The following MDGA2 variants were observed in gnomAD, a reference collection of about 807,000 sequenced individuals.
MDGA2 encodes MAM domain-containing glycosylphosphatidylinositol anchor protein 2.
Under a neutral mutation model 117.8 loss-of-function variants are expected in MDGA2, and 40 were observed. That is an observed-to-expected ratio of 0.34 (90% CI 0.26 to 0.44). The LOEUF (loss-of-function observed/expected upper bound fraction) is 0.44. MDGA2 is among the 20% of genes least tolerant of loss of function. The probability of loss-of-function intolerance (pLI) is 1.00; values close to 1 mark genes in which losing one functional copy is unlikely to be tolerated. For missense variants in MDGA2, 1,123 were observed against 1,250.6 expected, an observed-to-expected ratio of 0.90 and a Z score of 1.54; for synonymous variants, 452 against 439.0, an observed-to-expected ratio of 1.03 and a Z score of -0.37.
intron 2 of MDGA2, among the ~76,000 whole-genome samples, chr14:47,220,599 T>A (rs1886263072): frequency 7.0e-6 from 1 of 143,626 alleles, no homozygotes; most frequent in South Asian, 2.1e-4. Flanking sequence ...CCTGACACCA[T>A]GGAGTTATAC....
chr14:46,957,252 G>T, intron 9 of MDGA2, 122 bp downstream of exon 9: 1 of 910,212 alleles, frequency 1.1e-6, no homozygotes, highest in Non-Finnish European at 1.6e-6. Flanking sequence ...TCTAACTTGA[G>T]GAGTCAAGCT....
intron 2 of MDGA2, among the ~76,000 whole-genome samples, chr14:47,279,974 G>A (rs1014137953): frequency 6.6e-6 from 1 of 151,768 alleles, no homozygotes; most frequent in South Asian, 2.1e-4. Context: ...GGACTCAGGA[G>A]ATCCTGCCTC....
chr14:47,561,518 G>A (rs924889311), intron 1 of MDGA2, among the ~76,000 whole-genome samples: 1 of 151,864 alleles, frequency 6.6e-6, no homozygotes, highest in African/African-American at 2.4e-5. Flanking sequence ...TTCTTGATTT[G>A]GCTCCCAGCT....
chr14:46,941,028 T>A (rs1884979278), intron 9 of MDGA2, among the ~76,000 whole-genome samples: 1 of 152,220 alleles, frequency 6.6e-6, no homozygotes, highest in Admixed American at 6.5e-5. Context: ...CCTGCATCAC[T>A]GTGCCTCTCC....
chr14:46,890,746 T>G (rs532098241), intron 10 of MDGA2, among the ~76,000 whole-genome samples: 7 of 152,222 alleles, frequency 4.6e-5, no homozygotes, highest in African/African-American at 1.4e-4. Context: ...CAAGGATCTT[T>G]TTAAAGAAAA....
intron 10 of MDGA2, among the ~76,000 whole-genome samples, chr14:46,892,026 A>G (rs1882903939): frequency 1.3e-5 from 2 of 151,822 alleles, no homozygotes; most frequent in Non-Finnish European, 1.5e-5. Flanking sequence ...ATGAGCCTCT[A>G]ATGGAAAACA....
intron 1 of MDGA2, among the ~76,000 whole-genome samples, chr14:47,456,117 T>C (rs769102958): frequency 3.3e-5 from 5 of 152,026 alleles, no homozygotes; most frequent in African/African-American, 9.7e-5. Context: ...GTAACAAGCA[T>C]TGTAAGTGAA....
chr14:46,924,313 C>A (rs1884244095), intron 9 of MDGA2, among the ~76,000 whole-genome samples: 1 of 151,760 alleles, frequency 6.6e-6, no homozygotes, highest in South Asian at 2.1e-4. Context: ...GCATAAAGTT[C>A]AAACATAAAT....
rs372835577 is a variant in MDGA2, at chr14:46,914,250, C to G, written c.2238+5762G>C. Among the ~76,000 whole-genome samples the G allele has an allele frequency of 2.0e-5, 3 of 152,024 alleles. No homozygotes were observed. In the East Asian group the frequency reaches 5.8e-4, roughly 29 times the overall value. On this transcript the variant is annotated intron_variant, in intron 10 of 16. Coordinates refer to ENST00000399232, the MANE Select transcript of MDGA2 (RefSeq NM_001113498.3). ...TCTTTTTCTCTTTCCTGTTAAGCAA[C>G]AAATGAAGCAAATAATTGGAGGTTA...
chr14:47,107,200 A>G (rs530050256), intron 5 of MDGA2, among the ~76,000 whole-genome samples: 143 of 152,026 alleles, frequency 9.4e-4, no homozygotes, highest in African/African-American at 3.4e-3. Flanking sequence ...CACTTTAAAA[A>G]GATTAAAGCC....
At position 47,280,314 on chromosome 14, in the gene MDGA2, C is replaced by CAAAAAAAAAA; in HGVS notation, c.420+21087_420+21096dup. Among the ~76,000 whole-genome samples the CAAAAAAAAAA allele has an allele frequency of 1.6e-3, 56 of 35,832 alleles. 8 individuals are homozygous for CAAAAAAAAAA. Among genetic ancestry groups the CAAAAAAAAAA allele is most frequent in the South Asian group, 3.0e-3 (2 of 656 alleles). 23.5% of individuals were successfully genotyped at this position (35,832 alleles called of 152,430 possible). The stretch of plus-strand genomic sequence containing the variant: ...GGGCAACAAAAGTGAAACTCCATCT[C>CAAAAAAAAAA]AAAAAAAAAAAAAAAAAAAAAAAAA... On this transcript the variant is annotated intron_variant, in intron 2 of 16. Coordinates refer to ENST00000399232, the MANE Select transcript of MDGA2 (RefSeq NM_001113498.3).
intron 8 of MDGA2, among the ~76,000 whole-genome samples, chr14:46,995,555 C>CT (rs568979023): frequency 1.2e-4 from 18 of 150,770 alleles, no homozygotes; most frequent in African/African-American, 3.6e-4. Flanking sequence ...ATAACCATTG[C>CT]TTTTTTTTTG....
intron 1 of MDGA2, among the ~76,000 whole-genome samples, chr14:47,368,162 A>T (rs1891271421): frequency 6.6e-6 from 1 of 152,022 alleles, no homozygotes; most frequent in African/African-American, 2.4e-5. Flanking sequence ...CATGCCTGTA[A>T]TCCCAGCTAC....
chr14:47,311,238 G>A (rs570414338), intron 1 of MDGA2, among the ~76,000 whole-genome samples: 5 of 152,112 alleles, frequency 3.3e-5, no homozygotes, highest in Admixed American at 6.5e-5. Flanking sequence ...TCTTATCATT[G>A]TGCTCCAACC....
chr14:47,246,499 C>A (rs116726272), intron 2 of MDGA2, among the ~76,000 whole-genome samples: 1,758 of 151,692 alleles, frequency 0.012, 43 homozygotes, highest in African/African-American at 0.041. Flanking sequence ...TGTATGCATA[C>A]CTACAGTGAA....
intron 1 of MDGA2, among the ~76,000 whole-genome samples, chr14:47,315,199 C>G (rs1213501965): frequency 6.6e-6 from 1 of 151,988 alleles, no homozygotes; most frequent in African/African-American, 2.4e-5. Context: ...TTACAGTTAC[C>G]CTGGTTCTCT....
intron 3 of MDGA2, among the ~76,000 whole-genome samples, chr14:47,175,267 G>T (rs971750844): frequency 2.4e-4 from 36 of 151,786 alleles, no homozygotes; most frequent in African/African-American, 8.3e-4. Flanking sequence ...CCAATCAATA[G>T]AAAAGGAGGG....
At chr14:47,146,253 C>T (rs977943772) in intron 3 of MDGA2, among the ~76,000 whole-genome samples, 2 of 152,088 alleles carry the variant, frequency 1.3e-5, no homozygotes, top group East Asian at 3.9e-4. Context: ...GACAGCCCTA[C>T]TTTGATTTCT....
intron 8 of MDGA2, among the ~76,000 whole-genome samples, chr14:47,007,609 G>A (rs1049176401): frequency 6.6e-6 from 1 of 151,750 alleles, no homozygotes; most frequent in Non-Finnish European, 1.5e-5. Flanking sequence ...AAAACTTTAC[G>A]TAGCCTGTTT....
Sources: allele counts gnomAD v4.1 joint callset (sites outside exome capture counted in the v4.1 genomes callset), GRCh38; gene constraint gnomAD v4.1.1; transcripts MANE v1.5; gene names NCBI Gene and HGNC (gene_info 2026-07-23, HGNC 2026-07-21).